XKR4: variants seen among roughly 807,000 people sequenced by gnomAD.
XKR4 encodes XK related 4.
A neutral mutation model predicts 53.9 loss-of-function variants in XKR4; 12 were observed. The observed-to-expected ratio is 0.22, with a 90% CI of 0.14 to 0.36. The LOEUF is 0.36. Ranked by LOEUF, XKR4 falls within the 10% of genes least tolerant of loss-of-function variation. XKR4 has a pLI of 1.00. For missense variants in XKR4, 799 were observed against 859.5 expected (o/e 0.93, Z 0.88); for synonymous variants, 354 against 362.4 (o/e 0.98, Z 0.26).
intron 1 of XKR4, among the ~76,000 whole-genome samples, chr8:55,184,913 T>C (rs1478786523): frequency 6.6e-6 from 1 of 152,170 alleles, no homozygotes; most frequent in Non-Finnish European, 1.5e-5. Flanking sequence ...AAAGGGTTAT[T>C]TAATTCCCAA....
intron 2 of XKR4, among the ~76,000 whole-genome samples, chr8:55,482,684 C>G (rs995658698): frequency 1.3e-5 from 2 of 152,054 alleles, no homozygotes; most frequent in Admixed American, 1.3e-4. Flanking sequence ...AATAATTGAA[C>G]TAAACTCTTT....
intron 2 of XKR4, among the ~76,000 whole-genome samples, chr8:55,420,837 C>A (rs1804917686): frequency 6.7e-6 from 1 of 149,992 alleles, no homozygotes. Context: ...AAAGAAAGAT[C>A]CTTTGGCTGT....
At chr8:55,429,556 AT>A (rs1171226199) in intron 2 of XKR4, among the ~76,000 whole-genome samples, 1 of 151,988 alleles carries the variant, frequency 6.6e-6, no homozygotes, top group African/African-American at 2.4e-5. Flanking sequence ...GAAAAAAAAA[AT>A]GTTTTAAATT....
At chr8:55,451,679 G>A in intron 2 of XKR4, 1 of 1,532,750 alleles carries the variant, frequency 6.5e-7, no homozygotes, top group Non-Finnish European at 8.9e-7. Flanking sequence ...ACGATCAGCA[G>A]CCCCGGGTAC....
chr8:55,248,651 T>A (rs1738692086), intron 1 of XKR4, among the ~76,000 whole-genome samples: 1 of 152,194 alleles, frequency 6.6e-6, no homozygotes, highest in East Asian at 1.9e-4. Context: ...TTTTTGCATG[T>A]TTCATAGGGC....
chr8:55,377,693 C>T (rs540237893), intron 2 of XKR4, among the ~76,000 whole-genome samples: 39 of 152,222 alleles, frequency 2.6e-4, no homozygotes, highest in Admixed American at 2.6e-3. Context: ...CCCAGAACAC[C>T]GTGAGTTGGT....
intron 2 of XKR4, among the ~76,000 whole-genome samples, chr8:55,506,851 TGCTGGTTCACTGCTGACA>T (rs780508175): frequency 1.3e-5 from 2 of 152,258 alleles, no homozygotes; most frequent in Non-Finnish European, 2.9e-5. Context: ...GCAGTGACTA[TGCTGGTTCACTGCTGACA>T]GAATATTCCA....
chr8:55,110,213 G>A (rs1816213090), intron 1 of XKR4, among the ~76,000 whole-genome samples: 1 of 152,080 alleles, frequency 6.6e-6, no homozygotes, highest in South Asian at 2.1e-4. Flanking sequence ...GGAATTTAGG[G>A]AAAATTATAT....
chr8:55,324,142 C>T (rs1803258270), intron 1 of XKR4, among the ~76,000 whole-genome samples: 1 of 152,130 alleles, frequency 6.6e-6, no homozygotes, highest in Admixed American at 6.5e-5. Context: ...GTCACCCAGG[C>T]CAGAGTGCAG....
chr8:55,363,284 G>A (rs953623957), intron 2 of XKR4, among the ~76,000 whole-genome samples: 13 of 151,988 alleles, frequency 8.6e-5, no homozygotes, highest in African/African-American at 3.1e-4. Context: ...GAAAAACACC[G>A]ACTTCTCATT....
rs1029870334 is a variant in XKR4, at chr8:55,532,281, A to G, written c.*8054A>G. 4 of 152,206 alleles carry G rather than the reference A, an allele frequency of 2.6e-5. No individual in the cohort carries two copies. Among genetic ancestry groups the G allele is most frequent in the Non-Finnish European group, 5.9e-5 (4 of 68,036 alleles). The allele number at this position is 152,206 out of a possible 1,614,324, so 9.4% of individuals were successfully genotyped here. A position where few individuals can be genotyped will look rare whatever the true frequency, so the allele number is the denominator to read the frequency against. ...TCTAGGTTCATGCCACCATTACCACATTCCTTACTACAATTATTGCTATTT... is the reference window on the plus strand; with the variant it reads ...TCTAGGTTCATGCCACCATTACCACGTTCCTTACTACAATTATTGCTATTT... On this transcript the variant is annotated 3_prime_UTR_variant, in exon 3 of 3. Transcript: ENST00000327381.
At chr8:55,161,924 A>G (rs915394702) in intron 1 of XKR4, among the ~76,000 whole-genome samples, 4 of 152,222 alleles carry the variant, frequency 2.6e-5, no homozygotes, top group African/African-American at 9.6e-5. Flanking sequence ...ATTTTCTGCA[A>G]TCTCTGTTTG....
At chr8:55,246,766 A>G (rs1484564433) in intron 1 of XKR4, among the ~76,000 whole-genome samples, 4 of 151,128 alleles carry the variant, frequency 2.6e-5, no homozygotes, top group South Asian at 4.2e-4. Flanking sequence ...TTTCAGCTTC[A>G]TCAATGACTC....
intron 1 of XKR4, among the ~76,000 whole-genome samples, chr8:55,246,244 A>T (rs1818284686): frequency 6.6e-6 from 1 of 152,238 alleles, no homozygotes; most frequent in Non-Finnish European, 1.5e-5. Flanking sequence ...AAGAGGACTT[A>T]GAGCAAAGTT....
chr8:55,192,223 TTAC>T (rs1248970980), intron 1 of XKR4, among the ~76,000 whole-genome samples: 632 of 143,660 alleles, frequency 4.4e-3, no homozygotes, highest in Non-Finnish European at 5.3e-3. Flanking sequence ...AATACAATTC[TTAC>T]AAAGTCCCTT....
intron 1 of XKR4, among the ~76,000 whole-genome samples, chr8:55,230,707 C>G (rs1045396054): frequency 1.3e-5 from 2 of 152,056 alleles, no homozygotes; most frequent in African/African-American, 4.8e-5. Context: ...GAATGAAAAT[C>G]TCATAATAGA....
intron 1 of XKR4, chr8:55,135,712 C>A (rs1816619196): frequency 6.6e-6 from 3 of 451,510 alleles, no homozygotes; most frequent in Non-Finnish European, 1.3e-5. Flanking sequence ...GCCCATTACA[C>A]CTTGTACACC....
intron 2 of XKR4, among the ~76,000 whole-genome samples, chr8:55,500,779 T>A (rs1023593357): frequency 1.3e-5 from 2 of 152,174 alleles, no homozygotes; most frequent in African/African-American, 4.8e-5. Flanking sequence ...CCTAAAAAAT[T>A]AATGTTGCTA....
chr8:55,146,344 A>G (rs1051237309), intron 1 of XKR4, among the ~76,000 whole-genome samples: 3 of 152,248 alleles, frequency 2.0e-5, no homozygotes, highest in Non-Finnish European at 4.4e-5. Context: ...AGTTAAGGAA[A>G]GACTTTCTAA....
Sources: gnomAD v4.1 joint callset for allele counts (sites outside exome capture counted in the v4.1 genomes callset) on GRCh38, gnomAD v4.1.1 for gene constraint, MANE v1.5 for transcripts, NCBI Gene and HGNC (gene_info 2026-07-23, HGNC 2026-07-21) for gene names.